The following DACH2 variants were observed in gnomAD, a reference collection of about 807,000 sequenced individuals.
DACH2 encodes dachshund homolog 2.
DACH2 carries 17 observed loss-of-function variants against 35.8 expected under a neutral mutation model. The ratio of observed to expected loss-of-function variants is 0.48; its 90% CI spans 0.33 to 0.71. The LOEUF (loss-of-function observed/expected upper bound fraction) is 0.71. Among genes scored for constraint, DACH2 ranks in the 30% least tolerant of loss-of-function variants. The pLI is 0.02. For synonymous variants in DACH2, 195 were observed against 177.3 expected (o/e 1.10, Z -0.79); for missense variants, 469 against 472.7 (o/e 0.99, Z 0.07).
intron 3 of DACH2, among the ~76,000 whole-genome samples, chrX:86,533,843 T>C (rs1458718384): frequency 9.0e-6 from 1 of 111,105 alleles, no homozygotes; most frequent in Non-Finnish European, 1.9e-5. Flanking sequence ...AATGGTAGGA[T>C]CAAGGAGGCC....
intron 4 of DACH2, among the ~76,000 whole-genome samples, chrX:86,671,521 GAA>G (rs905603466): frequency 1.8e-5 from 2 of 110,803 alleles, no homozygotes; most frequent in African/African-American, 3.3e-5. Flanking sequence ...GCTGGTTGTT[GAA>G]AAGTGTGCAG....
intron 3 of DACH2, among the ~76,000 whole-genome samples, chrX:86,593,399 TTTTA>T (rs1470756403): frequency 8.8e-5 from 4 of 45,546 alleles, no homozygotes; most frequent in East Asian, 2.3e-3. Flanking sequence ...ATATATATTT[TTTTA>T]TTTTATTTTA....
chrX:86,160,555 A>T, intron 1 of DACH2: 1 of 516,573 alleles, frequency 1.9e-6, no homozygotes, highest in Non-Finnish European at 3.6e-6. Flanking sequence ...GAGTATAGCC[A>T]GCACTGATTT....
intron 3 of DACH2, among the ~76,000 whole-genome samples, chrX:86,565,418 C>T (rs764153344): frequency 2.7e-5 from 3 of 111,281 alleles, no homozygotes; most frequent in Non-Finnish European, 5.7e-5. Context: ...GTACAAATTT[C>T]GAAGCAAATT....
chrX:86,228,243 C>T (rs2032869361), intron 1 of DACH2, among the ~76,000 whole-genome samples: 1 of 110,538 alleles, frequency 9.0e-6, no homozygotes, highest in African/African-American at 3.3e-5. Flanking sequence ...CGAGTTACTT[C>T]ACTTAGAATA....
chrX:86,810,915 C>T (rs1012312104), intron 7 of DACH2, among the ~76,000 whole-genome samples: 6 of 111,121 alleles, frequency 5.4e-5, no homozygotes, highest in South Asian at 3.7e-4. Flanking sequence ...AATAGAGTTA[C>T]GTAACTAGAG....
intron 3 of DACH2, 125 bp downstream of exon 3, chrX:86,514,516 TG>T (rs1477443755): frequency 8.5e-5 from 54 of 636,091 alleles, no homozygotes; most frequent in Non-Finnish European, 1.2e-4. Context: ...GTTACATTAC[TG>T]AATTTTTTTA....
intron 1 of DACH2, among the ~76,000 whole-genome samples, chrX:86,317,001 C>T (rs1447050436): frequency 9.2e-6 from 1 of 108,321 alleles, no homozygotes; most frequent in African/African-American, 3.4e-5. Context: ...GCCTGTAATC[C>T]CAGCTACTTG....
intron 3 of DACH2, among the ~76,000 whole-genome samples, chrX:86,576,980 T>A (rs1302194393): frequency 8.9e-6 from 1 of 112,013 alleles, no homozygotes; most frequent in Non-Finnish European, 1.9e-5. Context: ...TTGTATAGCC[T>A]GTAGAACTGT....
intron 1 of DACH2, among the ~76,000 whole-genome samples, chrX:86,194,118 G>T (rs1173879520): frequency 9.0e-6 from 1 of 110,573 alleles, no homozygotes; most frequent in Non-Finnish European, 1.9e-5. Context: ...GACAAAGAAA[G>T]AAACCAGGCT....
At chrX:86,403,741 A>G (rs1190067768) in intron 2 of DACH2, among the ~76,000 whole-genome samples, 2 of 111,907 alleles carry the variant, frequency 1.8e-5, no homozygotes, top group Non-Finnish European at 3.8e-5. Flanking sequence ...ACATGCACAC[A>G]CTTGTTCATA....
At chrX:86,434,019 T>C (rs1331810568) in intron 2 of DACH2, among the ~76,000 whole-genome samples, 1 of 111,668 alleles carries the variant, frequency 9.0e-6, no homozygotes, top group African/African-American at 3.3e-5. Flanking sequence ...GCATTAATTA[T>C]TTGTGACTGT....
intron 1 of DACH2, among the ~76,000 whole-genome samples, chrX:86,295,789 G>A (rs2148006870): frequency 9.0e-6 from 1 of 110,774 alleles, no homozygotes; most frequent in South Asian, 3.8e-4. Flanking sequence ...AAAAGACAGA[G>A]GAGCCAGGGG....
intron 1 of DACH2, among the ~76,000 whole-genome samples, chrX:86,149,969 A>C (rs761718345): frequency 9.0e-6 from 1 of 111,697 alleles, no homozygotes; most frequent in African/African-American, 3.3e-5. Flanking sequence ...CCATTCCCTT[A>C]AAGACAGGAT....
intron 5 of DACH2, among the ~76,000 whole-genome samples, chrX:86,707,659 G>A: frequency 9.1e-6 from 1 of 110,366 alleles, no homozygotes; most frequent in East Asian, 2.9e-4. Flanking sequence ...GCCCACGCCT[G>A]TAATCCCAGC....
intron 1 of DACH2, among the ~76,000 whole-genome samples, chrX:86,301,011 G>T (rs913415247): frequency 1.8e-5 from 2 of 112,139 alleles, no homozygotes; most frequent in African/African-American, 3.2e-5. Flanking sequence ...ACTTATTAAG[G>T]AAGGTAACTG....
intron 1 of DACH2, chrX:86,160,840 G>A (rs1489055913): frequency 1.0e-5 from 5 of 501,657 alleles, no homozygotes; most frequent in Non-Finnish European, 1.8e-5. Context: ...CCGGGTTTGA[G>A]AACACCAGTC....
chrX:86,657,692 A>T (rs779097513), intron 4 of DACH2, among the ~76,000 whole-genome samples: 3 of 111,551 alleles, frequency 2.7e-5, no homozygotes, highest in South Asian at 7.4e-4. Context: ...AGAAAATTTT[A>T]AAAATGAGTT....
chrX:86,458,282 A>G lies in DACH2; in HGVS notation c.528-55997A>G, dbSNP rs185464286. ...CAAATGTTGGCAAAAACCTCAAGTC[A>G]AAAGTCATTCTTCAATTTGACATTC... On this transcript the variant is annotated intron_variant, in intron 2 of 11. Coordinates refer to ENST00000373125, the MANE Select transcript of DACH2 (RefSeq NM_053281.3). 7.3e-3 allele frequency among the ~76,000 whole-genome samples: 818 copies of G among 111,920 alleles called. 6 individuals carry two copies. Among genetic ancestry groups the G allele is most frequent in the African/African-American group, 0.025 (778 of 30,824 alleles).
Sources: gnomAD v4.1 joint callset for allele counts (sites outside exome capture counted in the v4.1 genomes callset) on GRCh38, gnomAD v4.1.1 for gene constraint, MANE v1.5 for transcripts, NCBI Gene and HGNC (gene_info 2026-07-23, HGNC 2026-07-21) for gene names.